RASGRF2: variants seen among roughly 807,000 people sequenced by gnomAD.
RASGRF2 encodes ras-specific guanine nucleotide-releasing factor 2.
Under a neutral mutation model 151.0 loss-of-function variants are expected in RASGRF2, and 76 were observed. The observed-to-expected ratio is 0.50, with a 90% CI of 0.42 to 0.61. RASGRF2 has a LOEUF of 0.61. RASGRF2 is among the 20% of genes least tolerant of loss of function. RASGRF2 has a pLI of 0.00. For synonymous variants in RASGRF2, 504 were observed against 566.5 expected (o/e 0.89, Z 1.57); for missense variants, 1,148 against 1,564.6 (o/e 0.73, Z 4.49).
intron 15 of RASGRF2, among the ~76,000 whole-genome samples, chr5:81,120,965 A>G (rs950524539): frequency 1.3e-5 from 2 of 152,196 alleles, no homozygotes; most frequent in Non-Finnish European, 1.5e-5. Flanking sequence ...AAGTGAAACA[A>G]ATTACAGACT....
intron 1 of RASGRF2, among the ~76,000 whole-genome samples, chr5:81,038,512 T>A (rs1750576930): frequency 6.6e-6 from 1 of 151,968 alleles, no homozygotes; most frequent in Non-Finnish European, 1.5e-5. Context: ...TGTGTTCATA[T>A]TTTTTGCCTG....
intron 1 of RASGRF2, among the ~76,000 whole-genome samples, chr5:81,036,939 G>A (rs2112380229): frequency 6.6e-6 from 1 of 152,290 alleles, no homozygotes; most frequent in South Asian, 2.1e-4. Flanking sequence ...CTGAGACTGG[G>A]TAATTTACAA....
rs188362774 is a variant in RASGRF2, at chr5:81,158,704, C to T, written c.2687-21471C>T. On this transcript the variant is annotated intron_variant, in intron 17 of 26. Coordinates refer to ENST00000265080, the MANE Select transcript of RASGRF2 (RefSeq NM_006909.3). ...ATGAAACATGAAAAGGTGTCAATGT[C>T]GTTAGTCATTAGAAGAAATACAAAT... Among the ~76,000 whole-genome samples the T allele has an allele frequency of 1.8e-3, 271 of 152,160 alleles. 2 individuals carry two copies. The highest frequency in any genetic ancestry group is 6.1e-3 in the African/African-American group (254 of 41,530).
chr5:81,042,813 G>A (rs897417734), intron 1 of RASGRF2, 64 bp from the exon 2 acceptor site: 4 of 1,133,960 alleles, frequency 3.5e-6, no homozygotes, highest in Non-Finnish European at 5.2e-6. Flanking sequence ...GGCAGATACT[G>A]TGTTATTATG....
chr5:80,960,723 C>A lies in RASGRF2; in HGVS notation c.-16C>A. ...GTGAGACCGGCGGCCACCCGTGAGC[C>A]CTCCGCACCCGCACCATGCAGAAGA... On this transcript the variant is annotated 5_prime_UTR_variant, in exon 1 of 27. Transcript: ENST00000265080. The surrounding 1 kb of genome is among the most constrained non-coding windows in gnomAD (Gnocchi z 5.5). The A allele has an allele frequency of 6.6e-7, 1 of 1,521,224 alleles. No homozygotes were observed. Among genetic ancestry groups the A allele is most frequent in the South Asian group, 1.3e-5 (1 of 79,562 alleles). The allele number at this position is 1,521,224 out of a possible 1,614,324, so 94.2% of individuals were successfully genotyped here.
rs190697423 is a variant in RASGRF2, at chr5:81,198,415, C to A, written c.2794-2915C>A. 2.1e-3 allele frequency among the ~76,000 whole-genome samples: 313 copies of A among 152,014 alleles called. 1 individual carries two copies. Among genetic ancestry groups the A allele is most frequent in the Middle Eastern group, 6.8e-3 (2 of 294 alleles). ...GTTTGCTTAGGATAATGGCCTGTAT[C>A]TTCATCCATGTTGCTTTATAGAACA... is the stretch of plus-strand genomic sequence containing the variant. On this transcript the variant is annotated intron_variant, in intron 18 of 26. Transcript: ENST00000265080.
At chr5:81,004,868 G>A (rs549141439) in intron 1 of RASGRF2, among the ~76,000 whole-genome samples, 39 of 152,274 alleles carry the variant, frequency 2.6e-4, no homozygotes, top group Non-Finnish European at 5.4e-4. Context: ...TCAATGTGAC[G>A]TTATCAGTAT....
intron 1 of RASGRF2, among the ~76,000 whole-genome samples, chr5:81,007,452 C>T (rs1267796689): frequency 1.3e-5 from 2 of 152,138 alleles, no homozygotes; most frequent in Non-Finnish European, 2.9e-5. Context: ...GACCCTCTCC[C>T]TGGAGCTGCC....
chr5:80,986,871 G>A (rs1748487552), intron 1 of RASGRF2, among the ~76,000 whole-genome samples: 1 of 152,016 alleles, frequency 6.6e-6, no homozygotes, highest in South Asian at 2.1e-4. Context: ...AATATTTGCT[G>A]TTGGCTCATT....
At chr5:81,011,447 A>T (rs924841341) in intron 1 of RASGRF2, among the ~76,000 whole-genome samples, 1 of 152,208 alleles carries the variant, frequency 6.6e-6, no homozygotes, top group African/African-American at 2.4e-5. Flanking sequence ...TTCACTAGAA[A>T]ATAGTTACTT....
intron 14 of RASGRF2, among the ~76,000 whole-genome samples, 180 bp downstream of exon 14, chr5:81,113,038 G>C (rs1753045147): frequency 6.6e-6 from 1 of 152,178 alleles, no homozygotes; most frequent in African/African-American, 2.4e-5. Context: ...GAGTTCCCCA[G>C]GCACGAAGTT....
chr5:81,164,613 A>T (rs908097618), intron 17 of RASGRF2, among the ~76,000 whole-genome samples: 2 of 152,182 alleles, frequency 1.3e-5, no homozygotes, highest in African/African-American at 4.8e-5. Context: ...ATTTCTTGGG[A>T]AGTTGCATAG....
intron 17 of RASGRF2, among the ~76,000 whole-genome samples, chr5:81,159,709 A>G (rs191837400): frequency 1.2e-4 from 19 of 152,362 alleles, no homozygotes; most frequent in African/African-American, 4.3e-4. Flanking sequence ...CATGGCATGT[A>G]AATTACACCT....
intron 1 of RASGRF2, among the ~76,000 whole-genome samples, chr5:80,963,916 A>G (rs1237345006): frequency 6.6e-6 from 1 of 152,174 alleles, no homozygotes; most frequent in African/African-American, 2.4e-5. Flanking sequence ...TTTTTAGGTA[A>G]GTTACAAGAA....
chr5:81,024,185 A>C (rs1749928259), intron 1 of RASGRF2, among the ~76,000 whole-genome samples: 1 of 149,306 alleles, frequency 6.7e-6, no homozygotes. Flanking sequence ...CTCTTAGCTA[A>C]TTTTTCCTTT....
At chr5:81,205,512 A>G (rs1174170299) in intron 19 of RASGRF2, among the ~76,000 whole-genome samples, 1 of 152,238 alleles carries the variant, frequency 6.6e-6, no homozygotes, top group Non-Finnish European at 1.5e-5. Flanking sequence ...CATGCCTGGC[A>G]TAGAGCGGGC....
In RASGRF2 at chr5:81,198,632, G is replaced by A. The variant is rs571323403; in HGVS notation, c.2794-2698G>A. Among the ~76,000 whole-genome samples, 292 of 152,104 alleles carry A rather than the reference G, an allele frequency of 1.9e-3. 1 individual carries two copies. Among genetic ancestry groups the A allele is most frequent in the African/African-American group, 6.7e-3 (279 of 41,442 alleles). The stretch of plus-strand genomic sequence containing the variant: ...TTTTTTATATTTTTAGTAGAGACGG[G>A]GTTTCACCGTGTTAGCCAGGATGGT... On this transcript the variant is annotated intron_variant, in intron 18 of 26. Coordinates refer to ENST00000265080, the MANE Select transcript of RASGRF2 (RefSeq NM_006909.3).
intron 26 of RASGRF2, chr5:81,223,516 C>CT (rs1370086968): frequency 6.6e-6 from 1 of 152,342 alleles, no homozygotes; most frequent in Non-Finnish European, 1.5e-5. Flanking sequence ...TGGCTGGCGC[C>CT]TATAGACCCA....
At position 81,166,719 on chromosome 5, in the gene RASGRF2, G is replaced by A. The variant is rs144603333; in HGVS notation, c.2687-13456G>A. ...GCGAAAGGATGGTATCAGATGCATG[G>A]TGGGCAACCTGAGCTTCATCCAAGG... On this transcript the variant is annotated intron_variant, in intron 17 of 26. Transcript: ENST00000265080. 2.9e-3 allele frequency among the ~76,000 whole-genome samples: 436 copies of A among 152,194 alleles called. 3 individuals carry two copies. The highest frequency in any genetic ancestry group is 0.01 in the African/African-American group (418 of 41,514).
Sources: gnomAD v4.1 joint callset for allele counts (sites outside exome capture counted in the v4.1 genomes callset) on GRCh38, gnomAD v4.1.1 for gene constraint, Gnocchi (gnomAD v3.1) non-coding constraint, MANE v1.5 for transcripts, NCBI Gene and HGNC (gene_info 2026-07-23, HGNC 2026-07-21) for gene names.